The following PDE6A variants were observed in gnomAD, a reference collection of about 807,000 sequenced individuals.
PDE6A encodes phosphodiesterase 6A.
Under a neutral mutation model 106.3 loss-of-function variants are expected in PDE6A, and 84 were observed. That is an observed-to-expected ratio of 0.79 (90% CI 0.66 to 0.95). The LOEUF is 0.95. PDE6A is among the 40% of genes least tolerant of loss of function. The pLI, the probability that PDE6A is intolerant of heterozygous loss-of-function variation, is 0.00. For missense variants in PDE6A, 1,052 were observed against 1,084.9 expected, an observed-to-expected ratio of 0.97 and a Z score of 0.43; for synonymous variants, 394 against 386.6, an observed-to-expected ratio of 1.02 and a Z score of -0.23.
At chr5:149,872,493 C>T (rs1359943171) in intron 17 of PDE6A, among the ~76,000 whole-genome samples, 2 of 152,120 alleles carry the variant, frequency 1.3e-5, no homozygotes, top group Non-Finnish European at 2.9e-5. Context: ...TCTTATCCGC[C>T]TGGACCATCC....
At chr5:149,898,240 CA>C in intron 10 of PDE6A, 122 bp downstream of exon 10, 1 of 815,424 alleles carries the variant, frequency 1.2e-6, no homozygotes, top group Admixed American at 1.8e-5. Flanking sequence ...GGAAGGAACA[CA>C]ACAGTGCACA....
At position 149,896,752 on chromosome 5, in the gene PDE6A, C is replaced by G. The variant is rs752469869; in HGVS notation, c.1432G>C (p.Glu478Gln). The change falls in exon 11 of 22, where the codon GAG (glutamate) becomes CAG (glutamine). Residue 478 changes from glutamate to glutamine, a missense_variant. Glu to Gln is a conservative substitution (Grantham distance 29, BLOSUM62 2). Around this residue, in one of 3 missense-constraint regions of PDE6A, gnomAD observed 913 missense variants for 915.2 expected, o/e 1.00. Coordinates refer to ENST00000255266, the MANE Select transcript of PDE6A (RefSeq NM_000440.3). ...TCCTCTTCCTCACACTCCCATGGCT[C>G]CTTCCCATACACCTCTCTGGTTTTC... ...ILKTREVYGK[E>Q]PWECEEEELA... The G allele has an allele frequency of 7.4e-6, 12 of 1,614,172 alleles. No homozygotes were observed. In the Admixed American group the frequency reaches 2.0e-4, roughly 27 times the overall value.
chr5:149,896,882 C>T (rs1451673381), intron 10 of PDE6A, 106 bp from the exon 11 acceptor site: 1 of 1,235,292 alleles, frequency 8.1e-7, no homozygotes, highest in African/African-American at 1.5e-5. Flanking sequence ...ACAGAACCAC[C>T]AGCTCAAAGA....
intron 5 of PDE6A, among the ~76,000 whole-genome samples, chr5:149,917,395 C>T (rs940144216): frequency 6.6e-6 from 1 of 152,136 alleles, no homozygotes; most frequent in African/African-American, 2.4e-5. Flanking sequence ...CCCAAGCCTC[C>T]CGACTCAGAA....
chr5:149,871,654 G>T, intron 17 of PDE6A, among the ~76,000 whole-genome samples: 2 of 152,192 alleles, frequency 1.3e-5, no homozygotes, highest in African/African-American at 4.8e-5. Context: ...AGAGGAGCAG[G>T]GGCGGCCCAT....
rs1760328387 is a variant in PDE6A at position 149,866,256 on chromosome 5, G to C, written c.2275-3C>G. ...GCTTTGTTTCTGTCCATCATGGGCTGTCATGGGGGAGAAAGAGTTAATTGC... is the reference window on the plus strand; with the variant it reads ...GCTTTGTTTCTGTCCATCATGGGCTCTCATGGGGGAGAAAGAGTTAATTGC... On this transcript the variant is annotated splice_region_variant and splice_polypyrimidine_tract_variant and intron_variant, in intron 19 of 21. Transcript: ENST00000255266. 1.2e-6 allele frequency: 2 copies of C among 1,610,848 alleles called. No homozygotes were observed. The highest frequency in any genetic ancestry group is 3.3e-5 in the Admixed American group (2 of 60,008).
Position 149,944,323 on chromosome 5 carries a change from C to A in PDE6A, c.351G>T (p.Lys117Asn), listed in dbSNP as rs752524309. The change falls in exon 1 of 22, where the codon AAG becomes AAT. Residue 117 changes from lysine (K) to asparagine (N), a missense_variant. Transcript: ENST00000255266. ...CCAGGCAGTCCTCGAGGACAGCATC[C>A]TTGTGGACATTGAAAAGCCTGGTGG... ...ELATRLFNVHKDAVLEDCLVM... is the reference protein window; with the variant it reads ...ELATRLFNVHNDAVLEDCLVM... 1 of 1,614,128 alleles carries A rather than the reference C, an allele frequency of 6.2e-7. No individual in the cohort carries two copies. Among genetic ancestry groups the A allele is most frequent in the South Asian group, 1.1e-5 (1 of 91,076 alleles).
At chr5:149,932,285 C>G in intron 3 of PDE6A, 1 of 1,443,240 alleles carries the variant, frequency 6.9e-7, no homozygotes, top group East Asian at 2.3e-5. Flanking sequence ...TCGTAGACCG[C>G]TCTCTTTTTA....
intron 5 of PDE6A, among the ~76,000 whole-genome samples, chr5:149,918,432 T>TG (rs924984292): frequency 6.6e-6 from 1 of 152,226 alleles, no homozygotes; most frequent in Non-Finnish European, 1.5e-5. Context: ...TGTGGATATC[T>TG]GGATATACCT....
intron 17 of PDE6A, among the ~76,000 whole-genome samples, chr5:149,879,426 T>TTTA (rs1760850694): frequency 1.3e-5 from 2 of 151,926 alleles, no homozygotes; most frequent in South Asian, 4.2e-4. Context: ...AGGTTTTTTT[T>TTTA]TTATTATTGT....
intron 19 of PDE6A, chr5:149,866,582 G>A (rs756793278): frequency 1.4e-5 from 4 of 291,212 alleles, no homozygotes; most frequent in Non-Finnish European, 2.6e-5. Flanking sequence ...ACCAGAGGCA[G>A]TATGCTCCTT....
intron 7 of PDE6A, among the ~76,000 whole-genome samples, chr5:149,905,181 A>G (rs944355659): frequency 2.6e-5 from 4 of 152,026 alleles, no homozygotes; most frequent in African/African-American, 9.7e-5. Flanking sequence ...TGGGTCTCCA[A>G]ACACCTCTGA....
intron 13 of PDE6A, among the ~76,000 whole-genome samples, chr5:149,887,039 ATGT>A (rs1752331577): frequency 6.6e-6 from 1 of 152,180 alleles, no homozygotes; most frequent in Admixed American, 6.5e-5. Flanking sequence ...GGAAGGGATG[ATGT>A]TGAGGAAGGG....
At chr5:149,906,538 A>AAAAAAAAAAAAAAAAAAAAAAG (rs1211394804) in intron 7 of PDE6A, among the ~76,000 whole-genome samples, 1 of 147,100 alleles carries the variant, frequency 6.8e-6, no homozygotes, top group Non-Finnish European at 1.5e-5. Flanking sequence ...AAAAAAAAAA[A>AAAAAAAAAAAAAAAAAAAAAAG]TCCCACCTTT....
intron 1 of PDE6A, among the ~76,000 whole-genome samples, chr5:149,936,158 A>AAGGAAGGAAGG (rs1554092688): frequency 3.1e-5 from 4 of 130,632 alleles, no homozygotes; most frequent in African/African-American, 1.3e-4. Flanking sequence ...TGTCTCTAAA[A>AAGGAAGGAAGG]AAGGAAGGAA....
At chr5:149,905,724 G>A (rs995500233) in intron 7 of PDE6A, among the ~76,000 whole-genome samples, 2 of 152,200 alleles carry the variant, frequency 1.3e-5, no homozygotes, top group African/African-American at 4.8e-5. Flanking sequence ...AAGAATGATA[G>A]TATTCTTTAC....
chr5:149,939,400 G>A (rs1439722600), intron 1 of PDE6A, among the ~76,000 whole-genome samples: 1 of 152,168 alleles, frequency 6.6e-6, no homozygotes, highest in East Asian at 1.9e-4. Context: ...CAGCATTTAT[G>A]TTCTCTGTTT....
chr5:149,944,321 T>A lies in PDE6A; in HGVS notation c.353A>T (p.Asp118Val), dbSNP rs1254133682. The A allele has an allele frequency of 4.3e-6, 7 of 1,614,134 alleles. No homozygotes were observed. The Admixed American group carries it at 6.7e-5, about 15-fold the overall frequency. Residue 118 changes from aspartate (D) to valine (V), a missense_variant, in exon 1 of 22, where the codon GAT (aspartate) becomes GTT (valine). Physicochemically the swap from Asp to Val is radical, Grantham distance 152 (BLOSUM62 -3). Transcript: ENST00000255266. ...CACCAGGCAGTCCTCGAGGACAGCA[T>A]CCTTGTGGACATTGAAAAGCCTGGT... is the stretch of plus-strand genomic sequence containing the variant. ...LATRLFNVHK[D>V]AVLEDCLVMP...
intron 18 of PDE6A, 86 bp from the exon 19 acceptor site, chr5:149,867,885 A>C: frequency 7.4e-7 from 1 of 1,348,638 alleles, no homozygotes; most frequent in Non-Finnish European, 1.1e-6. Context: ...GCAATTCCAA[A>C]TCAACAAAAA....
Sources: allele counts gnomAD v4.1 joint callset (sites outside exome capture counted in the v4.1 genomes callset), GRCh38; gene constraint gnomAD v4.1.1; regional missense constraint gnomAD v4.1.1; transcripts MANE v1.5; gene names NCBI Gene and HGNC (gene_info 2026-07-23, HGNC 2026-07-21).